Variants in TSPAN9 observed in about 807,000 individuals in gnomAD.
TSPAN9 encodes tetraspanin-9.
Under a neutral mutation model 31.0 loss-of-function variants are expected in TSPAN9, and 16 were observed. The observed-to-expected ratio is 0.52, with a 90% CI of 0.35 to 0.78. The LOEUF is 0.78. Ranked by LOEUF, TSPAN9 falls within the 30% of genes least tolerant of loss-of-function variation. TSPAN9 has a pLI of 0.01. For missense variants in TSPAN9, 272 were observed against 312.5 expected (o/e 0.87, Z 0.98); for synonymous variants, 145 against 121.6 (o/e 1.19, Z -1.27).
chr12:3,239,913 G>T (rs967029689), intron 3 of TSPAN9, among the ~76,000 whole-genome samples: 3 of 152,268 alleles, frequency 2.0e-5, no homozygotes, highest in East Asian at 1.9e-4. Context: ...ACTATATAGG[G>T]GGGGGACGAG....
chr12:3,197,486 T>C (rs1047304610), intron 2 of TSPAN9, among the ~76,000 whole-genome samples: 11 of 152,188 alleles, frequency 7.2e-5, no homozygotes, highest in Non-Finnish European at 8.8e-5. Context: ...GGTTTTATTC[T>C]TGGGCTCCCC....
chr12:3,125,146 T>A (rs555630133), intron 2 of TSPAN9: 35 of 151,314 alleles, frequency 2.3e-4, no homozygotes, highest in African/African-American at 4.6e-4. Flanking sequence ...TAATTTTTTT[T>A]AAAAAAGAAG....
intron 2 of TSPAN9, among the ~76,000 whole-genome samples, chr12:3,142,463 A>C (rs2098335314): frequency 6.6e-6 from 1 of 152,160 alleles, no homozygotes. Flanking sequence ...GATGTGGGAC[A>C]AGGGCTGTGG....
At chr12:3,208,913 A>G (rs1358523009) in intron 3 of TSPAN9, among the ~76,000 whole-genome samples, 1 of 152,180 alleles carries the variant, frequency 6.6e-6, no homozygotes, top group East Asian at 1.9e-4. Flanking sequence ...AACTTTTGGT[A>G]AACAGAATAG....
At chr12:3,206,017 A>G (rs1372208655) in intron 3 of TSPAN9, among the ~76,000 whole-genome samples, 1 of 152,138 alleles carries the variant, frequency 6.6e-6, no homozygotes, top group Non-Finnish European at 1.5e-5. Context: ...GCGGGTAGAG[A>G]AGAGAAAGTC....
chr12:3,185,872 GTCTTTCC>G (rs2098361035), intron 2 of TSPAN9, among the ~76,000 whole-genome samples: 1 of 152,232 alleles, frequency 6.6e-6, no homozygotes, highest in African/African-American at 2.4e-5. Flanking sequence ...CAAAGGGCTT[GTCTTTCC>G]TAGACCTTTG....
At chr12:3,238,921 CT>C (rs1015352921) in intron 3 of TSPAN9, among the ~76,000 whole-genome samples, 9 of 152,258 alleles carry the variant, frequency 5.9e-5, no homozygotes, top group Admixed American at 3.9e-4. Flanking sequence ...CATGTTCTCT[CT>C]GGTTTCCCTG....
chr12:3,203,925 C>A (rs2098373451), intron 3 of TSPAN9, among the ~76,000 whole-genome samples: 1 of 152,088 alleles, frequency 6.6e-6, no homozygotes. Flanking sequence ...TGGCCTGATA[C>A]TGGGGAAGGA....
Position 3,143,517 on chromosome 12 carries a change from CACTTATTT to C in TSPAN9, c.-17-57658_-17-57651del, listed in dbSNP as rs2098335831. 6.6e-6 allele frequency among the ~76,000 whole-genome samples: 1 copy of C among 151,970 alleles called. No individual in the cohort carries two copies. The highest frequency in any genetic ancestry group is 1.9e-4 in the East Asian group (1 of 5,188). ...GAAGGAAGAGCTATTTCTTCTGTCC[CACTTATTT>C]ATTCAATTAGTTATTTTTATCATTA... On this transcript the variant is annotated intron_variant, in intron 2 of 8. Coordinates refer to ENST00000011898, the MANE Select transcript of TSPAN9 (RefSeq NM_006675.5). The surrounding 1 kb of genome is among the most constrained non-coding windows in gnomAD (Gnocchi z 4.2).
In TSPAN9 at chr12:3,283,262, C is replaced by A; in HGVS notation, c.*146C>A. The A allele has an allele frequency of 1.3e-6, 1 of 791,606 alleles. No individual in the cohort carries two copies. Among genetic ancestry groups the A allele is most frequent in the Non-Finnish European group, 1.9e-6 (1 of 521,752 alleles). The allele number at this position is 791,606 out of a possible 1,614,324, so 49.0% of individuals were successfully genotyped here. On this transcript the variant is annotated 3_prime_UTR_variant, in exon 9 of 9. Coordinates refer to ENST00000011898, the MANE Select transcript of TSPAN9 (RefSeq NM_006675.5). ...CCTACCCCACCTACCCTGCCTCAGC[C>A]TCGGACTTCTCAGTGGGTGGAGTGC... is the stretch of plus-strand genomic sequence containing the variant.
At chr12:3,256,382 G>A (rs578125296) in intron 3 of TSPAN9, among the ~76,000 whole-genome samples, 8 of 152,236 alleles carry the variant, frequency 5.3e-5, no homozygotes, top group Non-Finnish European at 1.2e-4. Context: ...GCAGGGGTCC[G>A]GCAGTCGCAG....
chr12:3,176,036 A>G (rs1276154459), intron 2 of TSPAN9, among the ~76,000 whole-genome samples: 2 of 152,164 alleles, frequency 1.3e-5, no homozygotes, highest in African/African-American at 4.8e-5. Flanking sequence ...CACGGGAATG[A>G]GATTCGTCCC....
At chr12:3,102,209 T>C (rs961502473) in intron 2 of TSPAN9, among the ~76,000 whole-genome samples, 6 of 152,182 alleles carry the variant, frequency 3.9e-5, no homozygotes, top group African/African-American at 1.4e-4. Flanking sequence ...CTGCAACTTC[T>C]GACTCCTGGG....
intron 7 of TSPAN9, 46 bp from the exon 8 acceptor site, chr12:3,281,688 C>A (rs765603534): frequency 6.3e-7 from 1 of 1,583,720 alleles, no homozygotes; most frequent in Non-Finnish European, 8.6e-7. Flanking sequence ...CTGCAGGGAG[C>A]GCATGCTTGG....
chr12:3,145,456 G>C (rs1040669757), intron 2 of TSPAN9, among the ~76,000 whole-genome samples: 1 of 152,182 alleles, frequency 6.6e-6, no homozygotes, highest in Non-Finnish European at 1.5e-5. Flanking sequence ...GTTTGCTGTG[G>C]ATTTCCTCCT....
chr12:3,217,742 C>T (rs1008504405), intron 3 of TSPAN9, among the ~76,000 whole-genome samples: 8 of 152,136 alleles, frequency 5.3e-5, no homozygotes, highest in Non-Finnish European at 1.0e-4. Flanking sequence ...ATCTGATCAT[C>T]TGTCCCTTCC....
intron 3 of TSPAN9, among the ~76,000 whole-genome samples, chr12:3,236,604 G>A (rs905107610): frequency 2.0e-5 from 3 of 152,184 alleles, no homozygotes; most frequent in African/African-American, 4.8e-5. Flanking sequence ...CACCCAGCCC[G>A]TGGAATTTGC....
At chr12:3,164,451 T>G (rs770589289) in intron 2 of TSPAN9, among the ~76,000 whole-genome samples, 2 of 152,212 alleles carry the variant, frequency 1.3e-5, no homozygotes, top group Non-Finnish European at 2.9e-5. Context: ...ATAAAAGTTT[T>G]TCTGGATTTT....
rs150507365 is a variant in TSPAN9, at chr12:3,275,202, T to C, written c.64-3219T>C. Among the ~76,000 whole-genome samples, 942 of 152,256 alleles carry C rather than the reference T, an allele frequency of 6.2e-3. 5 individuals are homozygous for C. Among genetic ancestry groups the C allele is most frequent in the Middle Eastern group, 0.017 (5 of 294 alleles). ...AGGTACCTGAGCATCCCAGCACTTA[T>C]CCCAGGAGGGAAGTGGAGAGAGGGC... On this transcript the variant is annotated intron_variant, in intron 3 of 8. Transcript: ENST00000011898.
Sources: gnomAD v4.1 joint callset for allele counts (sites outside exome capture counted in the v4.1 genomes callset) on GRCh38, gnomAD v4.1.1 for gene constraint, Gnocchi (gnomAD v3.1) non-coding constraint, MANE v1.5 for transcripts, NCBI Gene and HGNC (gene_info 2026-07-23, HGNC 2026-07-21) for gene names.